Variants in ARMC5 observed in about 807,000 individuals in gnomAD.
ARMC5 encodes armadillo repeat containing 5.
ARMC5 carries 28 observed loss-of-function variants against 60.5 expected under a neutral mutation model. That is an observed-to-expected ratio of 0.46 (90% CI 0.34 to 0.63). The LOEUF (loss-of-function observed/expected upper bound fraction) is 0.63. Ranked by LOEUF, ARMC5 falls within the 30% of genes least tolerant of loss-of-function variation. The pLI, the probability that ARMC5 is intolerant of heterozygous loss-of-function variation, is 0.01. For missense variants in ARMC5, 1,189 were observed against 1,304.9 expected (o/e 0.91, Z 1.37); for synonymous variants, 680 against 607.3 (o/e 1.12, Z -1.76).
chr16:31,461,669 A>G (rs1249883310), intron 1 of ARMC5, among the ~76,000 whole-genome samples: 1 of 152,068 alleles, frequency 6.6e-6, no homozygotes, highest in African/African-American at 2.4e-5. Context: ...CACCATGCCC[A>G]GATAATTTTT....
At chr16:31,465,737 A>G in intron 4 of ARMC5, 113 bp from the exon 5 acceptor site, 1 of 1,544,264 alleles carries the variant, frequency 6.5e-7, no homozygotes, top group Non-Finnish European at 8.6e-7. Context: ...CAGTGCCCTG[A>G]TTTCTCACCC....
At chr16:31,458,623 A>C (rs2082267700), upstream of ARMC5, 2 of 1,444,246 alleles carry the variant, frequency 1.4e-6, no homozygotes, top group Non-Finnish European at 1.9e-6. Flanking sequence ...CTCTTGGCAA[A>C]GGCTTCTTCC....
intron 3 of ARMC5, among the ~76,000 whole-genome samples, chr16:31,463,534 C>T (rs1288471807): frequency 6.6e-6 from 1 of 152,170 alleles, no homozygotes; most frequent in African/African-American, 2.4e-5. Context: ...TACCATCACT[C>T]ATGAGCTGAA....
rs149058191 is a variant in ARMC5, at chr16:31,467,144, G to A, written c.*255G>A. 83 of 414,250 alleles carry A rather than the reference G, an allele frequency of 2.0e-4. No individual in the cohort carries two copies. Among genetic ancestry groups the A allele is most frequent in the African/African-American group, 1.6e-3 (79 of 48,790 alleles). The allele number at this position is 414,250 out of a possible 1,614,324, so 25.7% of individuals were successfully genotyped here. A position where few individuals can be genotyped will look rare whatever the true frequency, so the allele number is the denominator to read the frequency against. ...GCCTGGCCTAGACCTCTGGAATTGA[G>A]ATTAAACAATTTGGAGTTGGATACC... On this transcript the variant is annotated 3_prime_UTR_variant, in exon 6 of 6. Coordinates refer to ENST00000268314, the MANE Select transcript of ARMC5 (RefSeq NM_001105247.2).
Position 31,464,605 on chromosome 16 carries a change from C to T in ARMC5, c.1582C>T (p.Leu528=), listed in dbSNP as rs1454369976. The T allele has an allele frequency of 6.3e-7, 1 of 1,591,454 alleles. No individual in the cohort carries two copies. The highest frequency in any genetic ancestry group is 8.5e-7 in the Non-Finnish European group (1 of 1,174,774). ...PWGREGPALL[L]LSRFSQAPDP... is the part of the protein sequence containing the mutation. ...GGGACGCGAAGGGCCAGCCCTGCTG[C>T]TGCTGTCGCGCTTTTCCCAGGCCCC... Residue 528 remains leucine (L), a synonymous_variant, in exon 4 of 6, where the codon CTG becomes TTG. Transcript: ENST00000268314. The surrounding 1 kb of genome is among the most constrained non-coding windows in gnomAD (Gnocchi z 7.6).
chr16:31,459,946 C>T lies in ARMC5; in HGVS notation c.422C>T (p.Thr141Met), dbSNP rs1567373993. 1.2e-6 allele frequency: 2 copies of T among 1,603,670 alleles called. No homozygotes were observed. Among genetic ancestry groups the T allele is most frequent in the Non-Finnish European group, 8.5e-7 (1 of 1,179,524 alleles). The change falls in exon 1 of 6, where the codon ACG (threonine) becomes ATG (methionine). Residue 141 changes from threonine to methionine, a missense_variant. Around this residue, in one of 2 missense-constraint regions of ARMC5, gnomAD observed 327 missense variants for 233.7 expected, o/e 1.40. Coordinates refer to ENST00000268314, the MANE Select transcript of ARMC5 (RefSeq NM_001105247.2). ...LALSILADCC[T>M]EGACRTEVRR... is the part of the protein sequence containing the mutation. ...CTCAGCATCCTAGCCGATTGCTGTA[C>T]GGAAGGGGCGTGCCGGACCGAAGTG... is the stretch of plus-strand genomic sequence containing the variant.
chr16:31,459,519 G>A lies in ARMC5; in HGVS notation c.-6G>A. On this transcript the variant is annotated 5_prime_UTR_variant, in exon 1 of 6. Transcript: ENST00000268314. ...AAGCGGGGCGGAGTCTGAGGCCCGAGCCAAGATGGCGGCTGCGAAGCCAAC... is the reference window on the plus strand; with the variant it reads ...AAGCGGGGCGGAGTCTGAGGCCCGAACCAAGATGGCGGCTGCGAAGCCAAC... 6.3e-7 allele frequency: 1 copy of A among 1,599,846 alleles called. No individual in the cohort carries two copies. Among genetic ancestry groups the A allele is most frequent in the Non-Finnish European group, 8.5e-7 (1 of 1,176,256 alleles).
At chr16:31,465,355 T>TA (rs1192966456) in intron 4 of ARMC5, 4 of 1,381,902 alleles carry the variant, frequency 2.9e-6, no homozygotes, top group Non-Finnish European at 2.8e-6. Flanking sequence ...TGTCCGGGCA[T>TA]AACAGAAGGC....
chr16:31,464,783 A>G lies in ARMC5; in HGVS notation c.1760A>G (p.Tyr587Cys). The change falls in exon 4 of 6, where the codon TAT becomes TGT. Residue 587 changes from tyrosine (Y) to cysteine (C), a missense_variant. By Grantham distance (194) the Tyr-to-Cys change is radical (BLOSUM62 -2). Around this residue, in one of 2 missense-constraint regions of ARMC5, gnomAD observed 862 missense variants for 1,071.2 expected, o/e 0.80. Transcript: ENST00000268314. The surrounding 1 kb of genome is among the most constrained non-coding windows in gnomAD (Gnocchi z 7.6). ...TGCCTCGAGGCCTTCGTGCGCAGCT[A>G]TGGCGCGGCGCTGCTGCGGGCCTGG... ...PACLEAFVRS[Y>C]GAALLRAWLV... 1.3e-6 allele frequency: 2 copies of G among 1,598,784 alleles called. No individual in the cohort carries two copies. The highest frequency in any genetic ancestry group is 8.5e-7 in the Non-Finnish European group (1 of 1,179,100).
chr16:31,459,726 C>A lies in ARMC5; in HGVS notation c.202C>A (p.Arg68Ser). The A allele has an allele frequency of 6.4e-7, 1 of 1,557,066 alleles. No individual in the cohort carries two copies. Among genetic ancestry groups the A allele is most frequent in the Admixed American group, 1.9e-5 (1 of 52,852 alleles). ...IERFRARGGL[R>S]PLLALLRRAA... is the part of the protein sequence containing the mutation. ...GCGCTTCCGGGCACGCGGCGGGCTC[C>A]GCCCCCTACTCGCGCTGCTACGGCG... Residue 68 changes from arginine (R) to serine (S), a missense_variant, in exon 1 of 6, where the codon CGC (arginine) becomes AGC (serine). By Grantham distance (110) the Arg-to-Ser change is moderately radical (BLOSUM62 -1). Transcript: ENST00000268314.
rs1222310487 is a variant in ARMC5 at position 31,462,576 on chromosome 16, C to T, written c.1029C>T (p.Thr343=). 5 of 1,612,370 alleles carry T rather than the reference C, an allele frequency of 3.1e-6. No individual in the cohort carries two copies. Among genetic ancestry groups the T allele is most frequent in the Non-Finnish European group, 4.2e-6 (5 of 1,179,932 alleles). The stretch of plus-strand genomic sequence containing the variant: ...GGGATCCTAATGGAGCTAGCCCAAC[C>T]TCCCAGCAGCCCCTGGTGCGGGCTG... ...QRRDPNGASP[T]SQQPLVRAVC... The change falls in exon 3 of 6, where the codon ACC becomes ACT. Residue 343 remains threonine, a synonymous_variant. Coordinates refer to ENST00000268314, the MANE Select transcript of ARMC5 (RefSeq NM_001105247.2). This position sits in a 1 kb window ranked among gnomAD's most constrained non-coding sequence, Gnocchi z 7.2.
chr16:31,459,576 C>T lies in ARMC5; in HGVS notation c.52C>T (p.Gln18Ter). ...LTDSLSFCLA[Q>*]LAAAAGEALG... Reference sequence around the variant, plus strand: ...GGACTCGCTCTCGTTCTGCCTCGCGCAGCTCGCGGCGGCGGCCGGGGAGGC... The same window carrying T: ...GGACTCGCTCTCGTTCTGCCTCGCGTAGCTCGCGGCGGCGGCCGGGGAGGC... The change falls in exon 1 of 6, where the codon CAG becomes TAG. Residue 18 changes from glutamine (Q) to a stop codon, truncating the protein, a stop_gained. Transcript: ENST00000268314. LOFTEE classifies it high-confidence loss of function. The T allele has an allele frequency of 6.2e-7, 1 of 1,604,570 alleles. No homozygotes were observed. Among genetic ancestry groups the T allele is most frequent in the Non-Finnish European group, 8.5e-7 (1 of 1,179,392 alleles).
Position 31,459,771 on chromosome 16 carries a change from G to T in ARMC5, c.247G>T (p.Ala83Ser), listed in dbSNP as rs758286564. 4 of 1,539,668 alleles carry T rather than the reference G, an allele frequency of 2.6e-6. No individual in the cohort carries two copies. The highest frequency in any genetic ancestry group is 3.5e-6 in the Non-Finnish European group (4 of 1,150,252). ...ACGGCGAGCGGCTGCAGCGGGTTCCGCCCCGTCCCAGGCAGGCCCCGGCTC... is the reference window on the plus strand; with the variant it reads ...ACGGCGAGCGGCTGCAGCGGGTTCCTCCCCGTCCCAGGCAGGCCCCGGCTC... ...LLRRAAAAGS[A>S]PSQAGPGSAP... Residue 83 changes from alanine to serine, a missense_variant, in exon 1 of 6, where the codon GCC becomes TCC. Physicochemically the swap from Ala to Ser is moderately conservative, Grantham distance 99. This residue lies in a region of ARMC5 where 327 missense variants were observed against 233.7 expected (regional missense o/e 1.40). Coordinates refer to ENST00000268314, the MANE Select transcript of ARMC5 (RefSeq NM_001105247.2).
At chr16:31,460,312 A>C in intron 1 of ARMC5, 1 of 350,570 alleles carries the variant, frequency 2.9e-6, no homozygotes, top group Non-Finnish European at 5.2e-6. Flanking sequence ...CCGTCCAGTT[A>C]TGATGTTCAT....
chr16:31,460,623 T>C (rs775636749), intron 1 of ARMC5, among the ~76,000 whole-genome samples: 10 of 152,200 alleles, frequency 6.6e-5, no homozygotes, highest in Non-Finnish European at 1.5e-4. Flanking sequence ...TCCAGCTATT[T>C]GGGAGGCTGA....
rs1421233719 is a variant in ARMC5, at chr16:31,464,482, G to A, written c.1459G>A (p.Glu487Lys). ...SPEQCPPEPM[E>K]PASPAPTPTS... ...TGAGCAGTGTCCGCCGGAGCCCATGGAGCCGGCCAGCCCCGCCCCGACCCC... is the reference window on the plus strand; with the variant it reads ...TGAGCAGTGTCCGCCGGAGCCCATGAAGCCGGCCAGCCCCGCCCCGACCCC... The change falls in exon 4 of 6, where the codon GAG becomes AAG. Residue 487 changes from glutamate (E) to lysine (K), a missense_variant. Around this residue, in one of 2 missense-constraint regions of ARMC5, gnomAD observed 862 missense variants for 1,071.2 expected, o/e 0.80. Transcript: ENST00000268314. The surrounding 1 kb of genome is among the most constrained non-coding windows in gnomAD (Gnocchi z 7.6). 1.2e-6 allele frequency: 2 copies of A among 1,606,746 alleles called. No individual in the cohort carries two copies. The highest frequency in any genetic ancestry group is 1.7e-5 in the Admixed American group (1 of 59,154).
In ARMC5 at chr16:31,467,137, G is replaced by C. The variant is rs189659434; in HGVS notation, c.*248G>C. 554 of 421,864 alleles carry C rather than the reference G, an allele frequency of 1.3e-3. 1 individual carries two copies. Among genetic ancestry groups the C allele is most frequent in the Non-Finnish European group, 1.9e-3 (464 of 240,630 alleles). The allele number at this position is 421,864 out of a possible 1,614,324, so 26.1% of individuals were successfully genotyped here. A position where few individuals can be genotyped will look rare whatever the true frequency, so the allele number is the denominator to read the frequency against. ...GTGCCTGGCCTGGCCTAGACCTCTGGAATTGAGATTAAACAATTTGGAGTT... is the reference window on the plus strand; with the variant it reads ...GTGCCTGGCCTGGCCTAGACCTCTGCAATTGAGATTAAACAATTTGGAGTT... On this transcript the variant is annotated 3_prime_UTR_variant, in exon 6 of 6. Coordinates refer to ENST00000268314, the MANE Select transcript of ARMC5 (RefSeq NM_001105247.2).
At chr16:31,460,685 T>A (rs539579405) in intron 1 of ARMC5, among the ~76,000 whole-genome samples, 10 of 152,318 alleles carry the variant, frequency 6.6e-5, no homozygotes, top group African/African-American at 2.2e-4. Context: ...GAACAATGAC[T>A]GCCTGTGAAT....
upstream of ARMC5, chr16:31,459,130 G>A (rs144570843): frequency 4.0e-6 from 6 of 1,490,502 alleles, no homozygotes; most frequent in Admixed American, 6.6e-5. Flanking sequence ...GAGCCTAGAG[G>A]AGAAAAGGCG....
Sources: gnomAD v4.1 joint callset for allele counts (sites outside exome capture counted in the v4.1 genomes callset) on GRCh38, gnomAD v4.1.1 for gene constraint, gnomAD v4.1.1 regional missense constraint, Gnocchi (gnomAD v3.1) non-coding constraint, MANE v1.5 for transcripts, NCBI Gene and HGNC (gene_info 2026-07-23, HGNC 2026-07-21) for gene names.